Variants in ANKRD22 observed in about 807,000 individuals in gnomAD.
ANKRD22 encodes ankyrin repeat domain-containing protein 22.
ANKRD22 carries 24 observed loss-of-function variants against 25.7 expected under a neutral mutation model. The observed-to-expected ratio is 0.93, with a 90% CI of 0.68 to 1.31. ANKRD22 has a LOEUF of 1.31. Among genes scored for constraint, ANKRD22 ranks in the 50% most tolerant of loss-of-function variants. The pLI is 0.00. For missense variants in ANKRD22, 214 were observed against 227.1 expected (o/e 0.94, Z 0.37); for synonymous variants, 84 against 84.3 (o/e 1.00, Z 0.02).
At chr10:88,848,377 C>T (rs1363828497) in intron 1 of ANKRD22, among the ~76,000 whole-genome samples, 1 of 151,952 alleles carries the variant, frequency 6.6e-6, no homozygotes, top group East Asian at 1.9e-4. Flanking sequence ...TCTCTCTGAA[C>T]TTTTGTGACT....
chr10:88,850,526 G>A (rs1844094469), intron 1 of ANKRD22, among the ~76,000 whole-genome samples: 1 of 152,086 alleles, frequency 6.6e-6, no homozygotes, highest in African/African-American at 2.4e-5. Flanking sequence ...GTATACTTTT[G>A]TATCCTACCA....
intron 1 of ANKRD22, among the ~76,000 whole-genome samples, chr10:88,835,755 C>T (rs2133076063): frequency 6.6e-6 from 1 of 152,210 alleles, no homozygotes; most frequent in South Asian, 2.1e-4. Flanking sequence ...ATGTGAGAGT[C>T]GCACTAACGC....
chr10:88,831,708 G>A, intron 2 of ANKRD22, 127 bp downstream of exon 2: 1 of 943,362 alleles, frequency 1.1e-6, no homozygotes, highest in South Asian at 2.2e-5. Context: ...TTCTAAAGTA[G>A]GCTAAGATAA....
At chr10:88,845,632 T>C (rs1225583060) in intron 1 of ANKRD22, among the ~76,000 whole-genome samples, 1 of 152,128 alleles carries the variant, frequency 6.6e-6, no homozygotes, top group Non-Finnish European at 1.5e-5. Flanking sequence ...AATTTCTTAC[T>C]TTCCTTCACT....
At position 88,820,327 on chromosome 10, in the gene ANKRD22, A is replaced by C. The variant is rs1843772790; in HGVS notation, c.*2614T>G. On this transcript the variant is annotated 3_prime_UTR_variant, in exon 6 of 6. Transcript: ENST00000371930. ...GGCTTTCAAATCCAGAAGACGTGAA[A>C]ATGCTGCTCTCTGAGGTGACCAACC... 1.3e-6 allele frequency: 2 copies of C among 1,552,158 alleles called. No individual in the cohort carries two copies. Among genetic ancestry groups the C allele is most frequent in the Admixed American group, 2.0e-5 (1 of 50,984 alleles).
chr10:88,836,727 A>G (rs1843957444), intron 1 of ANKRD22, among the ~76,000 whole-genome samples: 1 of 152,234 alleles, frequency 6.6e-6, no homozygotes, highest in Non-Finnish European at 1.5e-5. Context: ...TGCTGGTTAT[A>G]CTGGTTATAC....
intron 2 of ANKRD22, among the ~76,000 whole-genome samples, chr10:88,829,264 A>T (rs1843883700): frequency 6.6e-6 from 1 of 152,228 alleles, no homozygotes; most frequent in South Asian, 2.1e-4. Context: ...AAATAAATAT[A>T]AGGCAAAACA....
chr10:88,828,916 T>A (rs1270959557), intron 2 of ANKRD22, among the ~76,000 whole-genome samples: 1 of 152,082 alleles, frequency 6.6e-6, no homozygotes, highest in Non-Finnish European at 1.5e-5. Context: ...ACAGCAGAGC[T>A]CATCAGAAGA....
rs1448286051 is a variant in ANKRD22 at position 88,851,567 on chromosome 10, C to A, written c.21+20G>T. 1 of 1,612,824 alleles carries A rather than the reference C, an allele frequency of 6.2e-7. No individual in the cohort carries two copies. Among genetic ancestry groups the A allele is most frequent in the Non-Finnish European group, 8.5e-7 (1 of 1,179,246 alleles). On this transcript the variant is annotated intron_variant, in intron 1 of 5. Coordinates refer to ENST00000371930, the MANE Select transcript of ANKRD22 (RefSeq NM_144590.3). Reference sequence around the variant, plus strand: ...AACTTTTAACATCTTTGGAACTCTGCTTTCAGAAAGGTGATGTACCTCAGA... The same window carrying A: ...AACTTTTAACATCTTTGGAACTCTGATTTCAGAAAGGTGATGTACCTCAGA...
chr10:88,827,648 C>G (rs541581566), intron 3 of ANKRD22, among the ~76,000 whole-genome samples: 3 of 152,086 alleles, frequency 2.0e-5, no homozygotes, highest in Admixed American at 2.0e-4. Flanking sequence ...CCTATAAATC[C>G]AAATATAAAA....
intron 1 of ANKRD22, among the ~76,000 whole-genome samples, chr10:88,840,045 G>A (rs1398247588): frequency 6.6e-6 from 1 of 152,146 alleles, no homozygotes; most frequent in Non-Finnish European, 1.5e-5. Flanking sequence ...AAAATTTAAT[G>A]TAACATTGCA....
At chr10:88,833,701 G>A (rs1843927527) in intron 1 of ANKRD22, among the ~76,000 whole-genome samples, 1 of 152,188 alleles carries the variant, frequency 6.6e-6, no homozygotes, top group Admixed American at 6.5e-5. Context: ...GCAAACTTCT[G>A]TACCTTAAAA....
At chr10:88,846,352 A>C (rs774819445) in intron 1 of ANKRD22, among the ~76,000 whole-genome samples, 43 of 152,172 alleles carry the variant, frequency 2.8e-4, no homozygotes, top group Admixed American at 2.0e-4. Context: ...ACTGTTTACG[A>C]AAATGTTTTA....
chr10:88,843,067 G>A (rs1302780331), intron 1 of ANKRD22, among the ~76,000 whole-genome samples: 1 of 152,050 alleles, frequency 6.6e-6, no homozygotes, highest in Non-Finnish European at 1.5e-5. Flanking sequence ...CCAGGTAGGG[G>A]CTGACTTCCA....
rs541504051 is a variant in ANKRD22 at position 88,822,782 on chromosome 10, TA to T, written c.*158del. ...GAACTTGACTGAGTAAACAATGCTATAAATAAAAAGCTCTTCCAAAACATTA... is the reference window on the plus strand; with the variant it reads ...GAACTTGACTGAGTAAACAATGCTATAATAAAAAGCTCTTCCAAAACATTA... On this transcript the variant is annotated 3_prime_UTR_variant, in exon 6 of 6. Coordinates refer to ENST00000371930, the MANE Select transcript of ANKRD22 (RefSeq NM_144590.3). 3.3e-4 allele frequency: 222 copies of T among 678,132 alleles called. No individual in the cohort carries two copies. The highest frequency in any genetic ancestry group is 5.2e-4 in the Non-Finnish European group (203 of 389,284). 42.0% of individuals were successfully genotyped at this position (678,132 alleles called of 1,614,324 possible). A position where few individuals can be genotyped will look rare whatever the true frequency, so the allele number is the denominator to read the frequency against.
intron 1 of ANKRD22, among the ~76,000 whole-genome samples, chr10:88,835,572 G>A (rs1054628591): frequency 6.6e-6 from 1 of 152,176 alleles, no homozygotes; most frequent in African/African-American, 2.4e-5. Flanking sequence ...ACAATTGTAA[G>A]TATTTGTGCA....
rs1447079909 is a variant in ANKRD22, at chr10:88,820,508, T to C, written c.*2433A>G. ...GTGTGAGGCCGTATTGTGAAGCATC[T>C]GACACTGACGATCTTAGGACAACCT... On this transcript the variant is annotated 3_prime_UTR_variant, in exon 6 of 6. Coordinates refer to ENST00000371930, the MANE Select transcript of ANKRD22 (RefSeq NM_144590.3). The C allele has an allele frequency of 6.5e-7, 1 of 1,547,856 alleles. No homozygotes were observed. The highest frequency in any genetic ancestry group is 1.4e-5 in the African/African-American group (1 of 73,140).
chr10:88,843,862 CAT>C (rs1307787122), intron 1 of ANKRD22, among the ~76,000 whole-genome samples: 1 of 152,124 alleles, frequency 6.6e-6, no homozygotes, highest in Non-Finnish European at 1.5e-5. Flanking sequence ...AAGATAGACA[CAT>C]GTTTATTAAA....
rs533726537 is a variant in ANKRD22 at position 88,841,183 on chromosome 10, G to T, written c.22-9157C>A. On this transcript the variant is annotated intron_variant, in intron 1 of 5. Coordinates refer to ENST00000371930, the MANE Select transcript of ANKRD22 (RefSeq NM_144590.3). ...CTGAGGTCATGAGGACCAGGGGAAA[G>T]CAGAAGATCCTTCACCTCCAGCGAG... is the stretch of plus-strand genomic sequence containing the variant. Among the ~76,000 whole-genome samples, 180 of 152,224 alleles carry T rather than the reference G, an allele frequency of 1.2e-3. 1 individual carries two copies. The highest frequency in any genetic ancestry group is 4.0e-3 in the African/African-American group (168 of 41,540).
Sources: gnomAD v4.1 joint callset for allele counts (sites outside exome capture counted in the v4.1 genomes callset) on GRCh38, gnomAD v4.1.1 for gene constraint, MANE v1.5 for transcripts, NCBI Gene and HGNC (gene_info 2026-07-23, HGNC 2026-07-21) for gene names.